Variants in HS6ST2 observed in about 807,000 individuals in gnomAD.
HS6ST2 encodes the protein heparan sulfate 6-O-sulfotransferase 2, also known as heparan-sulfate 6-O-sulfotransferase 2.
In HS6ST2, 17 loss-of-function variants were observed where a neutral mutation model predicts 33.0. The ratio of observed to expected loss-of-function variants is 0.52; its 90% confidence interval spans 0.35 to 0.77. The LOEUF (loss-of-function observed/expected upper bound fraction) is 0.77, where lower values mean the gene tolerates loss of function less well. HS6ST2 is among the 30% of genes least tolerant of loss of function. The pLI, the probability that HS6ST2 is intolerant of heterozygous loss-of-function variation, is 0.01. For synonymous variants in HS6ST2, 248 were observed against 237.1 expected (o/e 1.05, Z -0.42); for missense variants, 519 against 551.7 (o/e 0.94, Z 0.59).
intron 2 of HS6ST2, among the ~76,000 whole-genome samples, chrX:132,909,392 G>C: frequency 9.0e-6 from 1 of 111,377 alleles, no homozygotes; most frequent in African/African-American, 3.3e-5. Flanking sequence ...CTCATGGCCC[G>C]GTGGCTACAC....
At chrX:132,796,858 G>A (rs935277050) in intron 2 of HS6ST2, among the ~76,000 whole-genome samples, 1 of 112,301 alleles carries the variant, frequency 8.9e-6, no homozygotes, top group African/African-American at 3.2e-5. Context: ...TTCATCACTG[G>A]GGAGTGAAGC....
chrX:132,928,563 A>G (rs779149183), intron 2 of HS6ST2, among the ~76,000 whole-genome samples: 1 of 111,078 alleles, frequency 9.0e-6, no homozygotes, highest in East Asian at 2.8e-4. Context: ...TTACATTTCA[A>G]CATGAGATTT....
chrX:132,693,631 A>G (rs1379267286), intron 3 of HS6ST2, among the ~76,000 whole-genome samples: 1 of 111,941 alleles, frequency 8.9e-6, no homozygotes, highest in African/African-American at 3.2e-5. Context: ...ATGTGGTTCA[A>G]TGTGGTTTTT....
intron 2 of HS6ST2, among the ~76,000 whole-genome samples, chrX:132,861,620 G>A (rs1473028841): frequency 8.9e-6 from 1 of 112,467 alleles, no homozygotes; most frequent in African/African-American, 3.2e-5. Context: ...AAAGGCATAA[G>A]ATGCTATCTT....
At position 132,780,391 on chromosome X, in the gene HS6ST2, T is replaced by C. The variant is rs936275333; in HGVS notation, c.948-71897A>G. Among the ~76,000 whole-genome samples the C allele has an allele frequency of 1.8e-4, 20 of 111,179 alleles. No homozygotes were observed. The Admixed American group carries it at 1.8e-3, about 10-fold the overall frequency. The stretch of plus-strand genomic sequence containing the variant: ...GTGAGCGCATAATAGCTACCATTTA[T>C]AGAGCACTTACCAAGTGTCAGGCAC... On this transcript the variant is annotated intron_variant, in intron 2 of 4. Coordinates refer to ENST00000370833, the MANE Select transcript of HS6ST2 (RefSeq NM_001394073.1).
intron 2 of HS6ST2, among the ~76,000 whole-genome samples, chrX:132,914,723 C>A (rs2066567880): frequency 8.9e-6 from 1 of 111,913 alleles, no homozygotes; most frequent in Non-Finnish European, 1.9e-5. Context: ...GATTCAATAT[C>A]TTGATGCGAC....
intron 2 of HS6ST2, among the ~76,000 whole-genome samples, chrX:132,762,502 C>T (rs540234239): frequency 8.9e-6 from 1 of 112,148 alleles, no homozygotes; most frequent in Admixed American, 9.5e-5. Flanking sequence ...AATACTGATT[C>T]TGAAATATTT....
At chrX:132,814,226 G>C (rs2065376646) in intron 2 of HS6ST2, among the ~76,000 whole-genome samples, 1 of 112,239 alleles carries the variant, frequency 8.9e-6, no homozygotes, top group African/African-American at 3.2e-5. Context: ...TTATAGGCGT[G>C]AGCCACCGTG....
At chrX:132,723,562 G>A (rs992671906) in intron 2 of HS6ST2, among the ~76,000 whole-genome samples, 2 of 111,436 alleles carry the variant, frequency 1.8e-5, no homozygotes, top group African/African-American at 6.5e-5. Context: ...GCAGAATGAA[G>A]GACAAAAACT....
At chrX:132,896,964 C>A (rs2066382306) in intron 2 of HS6ST2, among the ~76,000 whole-genome samples, 1 of 111,605 alleles carries the variant, frequency 9.0e-6, no homozygotes, top group South Asian at 3.7e-4. Flanking sequence ...GCTGATAATT[C>A]AAAGCATTAG....
intron 2 of HS6ST2, among the ~76,000 whole-genome samples, chrX:132,893,022 A>C (rs936813241): frequency 8.9e-6 from 1 of 112,074 alleles, no homozygotes; most frequent in African/African-American, 3.2e-5. Context: ...ATTGCTTTTT[A>C]TTTGAAATAT....
chrX:132,828,691 TATACACAC>T (rs1266242270), intron 2 of HS6ST2, among the ~76,000 whole-genome samples: 11 of 56,328 alleles, frequency 2.0e-4, no homozygotes, highest in African/African-American at 6.6e-4. Flanking sequence ...TATATATATA[TATACACAC>T]ACACACACAC....
intron 2 of HS6ST2, among the ~76,000 whole-genome samples, chrX:132,739,640 AG>A (rs2064547491): frequency 9.4e-6 from 1 of 105,992 alleles, no homozygotes; most frequent in Non-Finnish European, 1.9e-5. Flanking sequence ...GCTTGAACCC[AG>A]GGGGCAGAGG....
intron 2 of HS6ST2, among the ~76,000 whole-genome samples, chrX:132,877,829 T>C (rs888608329): frequency 1.8e-5 from 2 of 110,541 alleles, no homozygotes; most frequent in Non-Finnish European, 3.8e-5. Context: ...ATGAAGCCCT[T>C]GGTACTAACA....
At chrX:132,880,616 C>A (rs755756557) in intron 2 of HS6ST2, among the ~76,000 whole-genome samples, 2 of 107,670 alleles carry the variant, frequency 1.9e-5, no homozygotes, top group East Asian at 5.8e-4. Flanking sequence ...TAACCAACAA[C>A]TTTTTTTTTC....
In HS6ST2 at chrX:132,841,213, T is replaced by C. The variant is rs181642370; in HGVS notation, c.947+115595A>G. Reference sequence around the variant, plus strand: ...GCTCCAAAGATTTATTGTTCATTTTTCCAAAGGTCTCCAATGAGACTGCTT... The same window carrying C: ...GCTCCAAAGATTTATTGTTCATTTTCCCAAAGGTCTCCAATGAGACTGCTT... On this transcript the variant is annotated intron_variant, in intron 2 of 4. Coordinates refer to ENST00000370833, the MANE Select transcript of HS6ST2 (RefSeq NM_001394073.1). Among the ~76,000 whole-genome samples, 513 of 112,068 alleles carry C rather than the reference T, an allele frequency of 4.6e-3. 1 individual carries two copies. The highest frequency in any genetic ancestry group is 7.6e-3 in the Non-Finnish European group (407 of 53,224).
intron 2 of HS6ST2, among the ~76,000 whole-genome samples, chrX:132,807,673 G>T (rs989937494): frequency 8.9e-6 from 1 of 112,289 alleles, no homozygotes; most frequent in African/African-American, 3.2e-5. Context: ...ACAGCTGATA[G>T]ATTCTTCACT....
intron 3 of HS6ST2, among the ~76,000 whole-genome samples, chrX:132,670,681 C>T (rs1215937188): frequency 2.7e-5 from 3 of 112,106 alleles, no homozygotes; most frequent in African/African-American, 9.7e-5. Context: ...GGCATGGTGG[C>T]GGGCGTCTGT....
intron 2 of HS6ST2, among the ~76,000 whole-genome samples, chrX:132,941,789 T>A (rs1486148832): frequency 3.6e-5 from 4 of 111,428 alleles, no homozygotes; most frequent in Non-Finnish European, 7.5e-5. Flanking sequence ...ATACTAATGC[T>A]AAAATGATCT....
Sources: gnomAD v4.1 joint callset for allele counts (sites outside exome capture counted in the v4.1 genomes callset) on GRCh38, gnomAD v4.1.1 for gene constraint, MANE v1.5 for transcripts, NCBI Gene and HGNC (gene_info 2026-07-23, HGNC 2026-07-21) for gene names.